CYTH1: variants seen among roughly 807,000 people sequenced by gnomAD.
The protein encoded by CYTH1 is cytohesin-1.
In CYTH1, 18 loss-of-function variants were observed where a neutral mutation model predicts 61.8. That is an observed-to-expected ratio of 0.29 (90% CI 0.20 to 0.43). The LOEUF is 0.43. Ranked by LOEUF, CYTH1 falls within the 20% of genes least tolerant of loss-of-function variation. CYTH1 has a pLI of 1.00. For synonymous variants in CYTH1, 174 were observed against 184.3 expected (o/e 0.94, Z 0.45); for missense variants, 336 against 510.5 (o/e 0.66, Z 3.29).
intron 1 of CYTH1, among the ~76,000 whole-genome samples, chr17:78,753,521 A>G (rs2144681125): frequency 6.6e-6 from 1 of 151,962 alleles, no homozygotes; most frequent in Admixed American, 6.6e-5. Context: ...AAATAAATAA[A>G]TAAATAAATA....
intron 1 of CYTH1, among the ~76,000 whole-genome samples, chr17:78,772,384 C>G (rs1301380793): frequency 6.6e-6 from 1 of 152,172 alleles, no homozygotes; most frequent in East Asian, 1.9e-4. Context: ...CTAATTCTTA[C>G]TATAGAATAA....
intron 11 of CYTH1, among the ~76,000 whole-genome samples, chr17:78,685,118 G>A (rs971829133): frequency 1.4e-5 from 2 of 145,504 alleles, no homozygotes; most frequent in Non-Finnish European, 3.0e-5. Flanking sequence ...AGAATTTCTT[G>A]AATCCGGGAG....
In CYTH1 at chr17:78,701,721, T is replaced by C. The variant is rs34784342; in HGVS notation, c.387A>G (p.Ala129=). The change falls in exon 6 of 14, where the codon GCA becomes GCG. Residue 129 remains alanine, a synonymous_variant. Transcript: ENST00000446868. Reference sequence around the variant, plus strand: ...CAGTGAACTCATGCAGCTCCACAAATGCATGAAGAACCTGGATATTAAACT... The same window carrying C: ...CAGTGAACTCATGCAGCTCCACAAACGCATGAAGAACCTGGATATTAAACT... ...RDEFNIQVLH[A]FVELHEFTDL... is the part of the protein sequence containing the mutation. The C allele has an allele frequency of 1.6e-3, 2,589 of 1,614,090 alleles. 31 individuals are homozygous for C. In the African/African-American group the frequency reaches 0.03, roughly 19 times the overall value.
chr17:78,710,594 A>G (rs1196143525), intron 1 of CYTH1, among the ~76,000 whole-genome samples: 1 of 152,236 alleles, frequency 6.6e-6, no homozygotes, highest in Non-Finnish European at 1.5e-5. Flanking sequence ...TCCTAGCTCC[A>G]ATCTACCAAA....
intron 1 of CYTH1, among the ~76,000 whole-genome samples, chr17:78,768,758 G>A (rs1192518835): frequency 6.6e-6 from 1 of 152,070 alleles, no homozygotes; most frequent in Non-Finnish European, 1.5e-5. Flanking sequence ...TAAGTCAGAA[G>A]AATCTTTCTA....
At chr17:78,734,354 T>TTCC (rs2144610162) in intron 1 of CYTH1, among the ~76,000 whole-genome samples, 1 of 149,206 alleles carries the variant, frequency 6.7e-6, no homozygotes, top group South Asian at 2.1e-4. Flanking sequence ...AACTGGTTAA[T>TTCC]TCTCACTAAC....
chr17:78,723,798 C>G (rs2093250084), intron 1 of CYTH1: 2 of 152,372 alleles, frequency 1.3e-5, no homozygotes, highest in Non-Finnish European at 2.9e-5. Flanking sequence ...AAACAAGAGA[C>G]TGGATCTAGG....
At chr17:78,762,419 C>G (rs1567880967) in intron 1 of CYTH1, among the ~76,000 whole-genome samples, 1 of 152,126 alleles carries the variant, frequency 6.6e-6, no homozygotes, top group Non-Finnish European at 1.5e-5. Flanking sequence ...AGGCACACTT[C>G]CATAAGAAGA....
At chr17:78,753,667 T>C (rs528048864) in intron 1 of CYTH1, among the ~76,000 whole-genome samples, 1 of 152,172 alleles carries the variant, frequency 6.6e-6, no homozygotes, top group South Asian at 2.1e-4. Context: ...AGACAGTGTA[T>C]AATAAGGTAC....
intron 13 of CYTH1, chr17:78,677,196 C>G (rs932553667): frequency 2.5e-6 from 1 of 401,306 alleles, no homozygotes; most frequent in Non-Finnish European, 5.0e-6. Context: ...ACGAGGGAAT[C>G]TGGCGGCCGG....
At chr17:78,687,034 G>A (rs2092823458) in intron 11 of CYTH1, among the ~76,000 whole-genome samples, 1 of 152,070 alleles carries the variant, frequency 6.6e-6, no homozygotes, top group South Asian at 2.1e-4. Flanking sequence ...GCCCACCTTG[G>A]CCTCCCAAAG....
intron 13 of CYTH1, chr17:78,677,571 T>A (rs1598805443): frequency 6.2e-6 from 1 of 160,600 alleles, no homozygotes; most frequent in Admixed American, 6.1e-5. Context: ...TGACACGCAG[T>A]TCTACTGCTG....
chr17:78,733,841 C>T (rs1209852932), intron 1 of CYTH1, among the ~76,000 whole-genome samples: 1 of 152,274 alleles, frequency 6.6e-6, no homozygotes, highest in African/African-American at 2.4e-5. Context: ...GCCCAGGACA[C>T]AGCAGGGCTG....
intron 11 of CYTH1, 78 bp from the exon 12 acceptor site, chr17:78,681,120 A>C (rs1291951223): frequency 2.8e-5 from 40 of 1,447,394 alleles, no homozygotes; most frequent in Non-Finnish European, 3.5e-5. Flanking sequence ...CCGGTGACTC[A>C]GCCGAACTTT....
chr17:78,760,545 GTATATATATA>G (rs1187374705), intron 1 of CYTH1, among the ~76,000 whole-genome samples: 1 of 31,688 alleles, frequency 3.2e-5, no homozygotes, highest in Non-Finnish European at 5.7e-5. Flanking sequence ...ACATATATAT[GTATATATATA>G]TGTATATATA....
intron 1 of CYTH1, 102 bp downstream of exon 1, chr17:78,782,100 T>C (rs947518672): frequency 9.7e-7 from 1 of 1,028,586 alleles, no homozygotes. Context: ...CGCACCAGTG[T>C]CCCCGGGAAA....
At chr17:78,781,729 G>A (rs1251895834) in intron 1 of CYTH1, among the ~76,000 whole-genome samples, 1 of 151,704 alleles carries the variant, frequency 6.6e-6, no homozygotes, top group African/African-American at 2.4e-5. Context: ...CCATCCGCGC[G>A]TCCGCCCCGA....
intron 11 of CYTH1, 118 bp from the exon 12 acceptor site, chr17:78,681,160 A>C: frequency 1.0e-6 from 1 of 993,938 alleles, no homozygotes; most frequent in Admixed American, 2.3e-5. Context: ...TGAAGTTCAT[A>C]AATCAGCCTG....
chr17:78,680,455 G>A, intron 12 of CYTH1, 111 bp from the exon 13 acceptor site: 1 of 1,200,932 alleles, frequency 8.3e-7, no homozygotes, highest in Non-Finnish European at 1.1e-6. Flanking sequence ...CAAAATACAA[G>A]GAATACATAT....
Sources: gnomAD v4.1 joint callset for allele counts (sites outside exome capture counted in the v4.1 genomes callset) on GRCh38, gnomAD v4.1.1 for gene constraint, MANE v1.5 for transcripts, NCBI Gene and HGNC (gene_info 2026-07-23, HGNC 2026-07-21) for gene names.